Variants in MGST1 observed in about 807,000 individuals in gnomAD.
The protein encoded by MGST1 is microsomal glutathione S-transferase 1, also known as glutathione S-transferase 12.
A neutral mutation model predicts 8.9 loss-of-function variants in MGST1; 5 were observed. The ratio of observed to expected loss-of-function variants is 0.56; its 90% CI spans 0.29 to 1.19. MGST1 has a LOEUF of 1.19. MGST1 is among the 50% of genes most tolerant of loss of function. The pLI is 0.08. For missense variants in MGST1, 182 were observed against 187.4 expected (o/e 0.97, Z 0.17); for synonymous variants, 54 against 67.8 (o/e 0.80, Z 1.00).
intron 4 of MGST1, among the ~76,000 whole-genome samples, chr12:16,578,034 G>T (rs1291921545): frequency 1.3e-5 from 2 of 152,098 alleles, no homozygotes; most frequent in Non-Finnish European, 2.9e-5. Context: ...ATGTACAATG[G>T]ACTCCAGTCC....
chr12:16,402,124 CT>C (rs1351514228), intron 1 of MGST1: 1 of 1,512,492 alleles, frequency 6.6e-7, no homozygotes, highest in African/African-American at 1.4e-5. Context: ...ATGGCAGGGG[CT>C]CCATTAGCAT....
intron 1 of MGST1, among the ~76,000 whole-genome samples, chr12:16,402,899 CT>C (rs1168086234): frequency 6.7e-6 from 1 of 149,694 alleles, no homozygotes; most frequent in Non-Finnish European, 1.5e-5. Context: ...TTATTTTCTA[CT>C]TTTTAATATA....
chr12:16,413,234 C>G lies in MGST1; in HGVS notation n.779-24154C>G, dbSNP rs1390765795. Among the ~76,000 whole-genome samples the G allele has an allele frequency of 1.3e-5, 2 of 152,182 alleles. No individual in the cohort carries two copies. The highest frequency in any genetic ancestry group is 2.9e-5 in the Non-Finnish European group (2 of 68,038). The stretch of plus-strand genomic sequence containing the variant: ...GGAGCTAAACTGGTATCTACGGATG[C>G]TGTGTTGCCATTTGGGCAACCACCA... On this transcript the variant is annotated intron_variant and non_coding_transcript_variant, in intron 1 of 1. Transcript: ENST00000359720. The surrounding 1 kb of genome is among the most constrained non-coding windows in gnomAD (Gnocchi z 4.0).
intron 4 of MGST1, among the ~76,000 whole-genome samples, chr12:16,552,595 A>T (rs1354966730): frequency 6.6e-6 from 1 of 152,088 alleles, no homozygotes; most frequent in African/African-American, 2.4e-5. Context: ...ATAGTGTAAT[A>T]AAAAAAGTAG....
chr12:16,581,286 T>C (rs980932020), intron 4 of MGST1, among the ~76,000 whole-genome samples: 5 of 152,320 alleles, frequency 3.3e-5, no homozygotes, highest in Admixed American at 3.3e-4. Flanking sequence ...ATTTGAATCC[T>C]AGCTCCATCA....
At chr12:16,404,832 G>T (rs116764129) in intron 1 of MGST1, among the ~76,000 whole-genome samples, 190 of 152,136 alleles carry the variant, frequency 1.2e-3, no homozygotes, top group African/African-American at 4.3e-3. Flanking sequence ...CTTCCAGATG[G>T]AATTGCTTTC....
At chr12:16,348,088 G>C (rs912850833) in intron 1 of MGST1, among the ~76,000 whole-genome samples, 5 of 152,178 alleles carry the variant, frequency 3.3e-5, no homozygotes, top group African/African-American at 1.2e-4. Context: ...AACGACTGCT[G>C]TTCTCCCCAA....
chr12:16,427,880 C>A (rs1940903807), intron 1 of MGST1, among the ~76,000 whole-genome samples: 1 of 151,936 alleles, frequency 6.6e-6, no homozygotes, highest in African/African-American at 2.4e-5. Context: ...TTCTATGACT[C>A]ACCTGTTCTT....
rs368348406 is a variant in MGST1, at chr12:16,558,261, T to C, written n.483-31267T>C. On this transcript the variant is annotated intron_variant and non_coding_transcript_variant, in intron 4 of 4. Coordinates refer to the MGST1 transcript ENST00000538857. The stretch of plus-strand genomic sequence containing the variant: ...TATATATCAAAATATTAAAATGTTT[T>C]CTTTTAGAAGAATGAGACATGGGAC... 1.8e-4 allele frequency among the ~76,000 whole-genome samples: 27 copies of C among 152,204 alleles called. No individual in the cohort carries two copies. The South Asian group carries it at 5.4e-3, about 30-fold the overall frequency.
At position 16,472,041 on chromosome 12, in the gene MGST1, C is replaced by T. The variant is rs192408728; in HGVS notation, n.482+88437C>T. ...TTTGGTGCCCCCTGTTCATTATTTG[C>T]CTTCACTTTGTCCTCTGCTAGTTCC... On this transcript the variant is annotated intron_variant and non_coding_transcript_variant, in intron 4 of 4. Coordinates refer to the MGST1 transcript ENST00000538857. Among the ~76,000 whole-genome samples, 28 of 152,226 alleles carry T rather than the reference C, an allele frequency of 1.8e-4. No individual in the cohort carries two copies. The East Asian group carries it at 3.9e-3, about 21-fold the overall frequency.
intron 4 of MGST1, among the ~76,000 whole-genome samples, chr12:16,533,061 T>G (rs1268981679): frequency 6.6e-6 from 1 of 152,170 alleles, no homozygotes; most frequent in African/African-American, 2.4e-5. Flanking sequence ...TCCTGCCACT[T>G]TAAACCAAAG....
intron 4 of MGST1, among the ~76,000 whole-genome samples, chr12:16,450,548 G>A (rs912471476): frequency 1.3e-5 from 2 of 151,898 alleles, no homozygotes; most frequent in African/African-American, 4.8e-5. Context: ...CTAGGGAGAG[G>A]AGTGAGAAAA....
chr12:16,376,003 C>G (rs1010312913), intron 3 of MGST1: 5 of 574,352 alleles, frequency 8.7e-6, no homozygotes, highest in Non-Finnish European at 1.1e-5. Flanking sequence ...ACAACACCCA[C>G]ACACCTATAT....
At position 16,413,108 on chromosome 12, in the gene MGST1, A is replaced by G. The variant is rs926979254; in HGVS notation, n.779-24280A>G. 1.2e-4 allele frequency among the ~76,000 whole-genome samples: 18 copies of G among 152,140 alleles called. 1 individual carries two copies. Among genetic ancestry groups the G allele is most frequent in the Non-Finnish European group, 2.5e-4 (17 of 68,022 alleles). On this transcript the variant is annotated intron_variant and non_coding_transcript_variant, in intron 1 of 1. Coordinates refer to the MGST1 transcript ENST00000359720. This position sits in a 1 kb window ranked among gnomAD's most constrained non-coding sequence, Gnocchi z 4.0. ...TAGGGGTGAGTTGTGTGGCTACTCA[A>G]TGAACATCACTTTAAAAGAAAGGAA...
chr12:16,533,021 C>A (rs988882460), intron 4 of MGST1, among the ~76,000 whole-genome samples: 2 of 152,126 alleles, frequency 1.3e-5, no homozygotes, highest in African/African-American at 2.4e-5. Context: ...TAGCTTGGGA[C>A]CTTTCGCCTT....
intron 4 of MGST1, among the ~76,000 whole-genome samples, chr12:16,527,886 A>C (rs1314584850): frequency 3.3e-5 from 5 of 152,008 alleles, no homozygotes; most frequent in Non-Finnish European, 7.4e-5. Flanking sequence ...TAATTTTTCT[A>C]AGCACTGTAC....
chr12:16,391,533 T>C (rs138312452), intron 1 of MGST1, among the ~76,000 whole-genome samples: 2 of 152,214 alleles, frequency 1.3e-5, no homozygotes, highest in African/African-American at 4.8e-5. Context: ...ATAGTGTATA[T>C]GTGCCACATT....
At chr12:16,545,564 T>G (rs530468324) in intron 4 of MGST1, among the ~76,000 whole-genome samples, 1 of 152,246 alleles carries the variant, frequency 6.6e-6, no homozygotes, top group Admixed American at 6.5e-5. Flanking sequence ...ATTCTGAGAC[T>G]GTAGCCTCAC....
intron 4 of MGST1, among the ~76,000 whole-genome samples, chr12:16,580,093 C>A (rs886785628): frequency 8.5e-5 from 13 of 152,148 alleles, no homozygotes; most frequent in Non-Finnish European, 1.0e-4. Context: ...AATATGATAT[C>A]ATTTATCATG....
Sources: allele counts gnomAD v4.1 joint callset (sites outside exome capture counted in the v4.1 genomes callset), GRCh38; gene constraint gnomAD v4.1.1; non-coding constraint Gnocchi (gnomAD v3.1); transcripts MANE v1.5; gene names NCBI Gene and HGNC (gene_info 2026-07-23, HGNC 2026-07-21).